The following MACROD2 variants were observed in gnomAD, a reference collection of about 807,000 sequenced individuals.
MACROD2 encodes the protein ADP-ribose glycohydrolase MACROD2.
Under a neutral mutation model 70.4 loss-of-function variants are expected in MACROD2, and 36 were observed. The observed-to-expected ratio is 0.51, with a 90% CI of 0.39 to 0.68. The LOEUF (loss-of-function observed/expected upper bound fraction) is 0.68, where lower values mean the gene tolerates loss of function less well. MACROD2 is among the 30% of genes least tolerant of loss of function. The pLI is 0.00. For missense variants in MACROD2, 496 were observed against 538.4 expected (o/e 0.92, Z 0.78); for synonymous variants, 172 against 178.8 (o/e 0.96, Z 0.30).
At position 15,267,175 on chromosome 20, in the gene MACROD2, C is replaced by T. The variant is rs983956756; in HGVS notation, c.540+37114C>T. The stretch of plus-strand genomic sequence containing the variant: ...AAAGCAGTCATTCCATCCCCCTCTC[C>T]TCTGCATCCCCACTCCAACTTGGCC... On this transcript the variant is annotated intron_variant, in intron 6 of 17. Coordinates refer to ENST00000684519, the MANE Select transcript of MACROD2 (RefSeq NM_001351661.2). Among the ~76,000 whole-genome samples, 6 of 152,158 alleles carry T rather than the reference C, an allele frequency of 3.9e-5. No homozygotes were observed. In the South Asian group the frequency reaches 6.2e-4, roughly 16 times the overall value.
At chr20:15,546,988 G>T (rs2048034147) in intron 8 of MACROD2, among the ~76,000 whole-genome samples, 2 of 152,146 alleles carry the variant, frequency 1.3e-5, no homozygotes, top group Admixed American at 1.3e-4. Flanking sequence ...TAATTAGCAA[G>T]CCAGAGAGCT....
intron 3 of MACROD2, among the ~76,000 whole-genome samples, chr20:14,301,419 T>A (rs537021545): frequency 1.3e-5 from 2 of 152,336 alleles, no homozygotes; most frequent in East Asian, 3.9e-4. Context: ...ACATTTATAG[T>A]TTGGTCGCCT....
rs74989611 is a variant in MACROD2 at position 14,294,721 on chromosome 20, A to G, written c.272-198758A>G. Reference sequence around the variant, plus strand: ...TCTTTTGATAGAATCCTTTTTTAAGAAGTATTTTCAGAGCTCATAAATTAT... The same window carrying G: ...TCTTTTGATAGAATCCTTTTTTAAGGAGTATTTTCAGAGCTCATAAATTAT... On this transcript the variant is annotated intron_variant, in intron 3 of 17. Transcript: ENST00000684519. 5.0e-3 allele frequency among the ~76,000 whole-genome samples: 754 copies of G among 151,884 alleles called. 5 individuals carry two copies. Among genetic ancestry groups the G allele is most frequent in the East Asian group, 9.5e-3 (49 of 5,178 alleles).
chr20:15,192,831 G>A (rs2076580864), intron 5 of MACROD2, among the ~76,000 whole-genome samples: 1 of 152,108 alleles, frequency 6.6e-6, no homozygotes, highest in African/African-American at 2.4e-5. Flanking sequence ...TGGCCATCTG[G>A]GAGAAAACCA....
chr20:15,085,597 G>A (rs2075741050), intron 5 of MACROD2, among the ~76,000 whole-genome samples: 1 of 152,006 alleles, frequency 6.6e-6, no homozygotes. Context: ...ATGGTAGGAT[G>A]TAAGTATATA....
chr20:15,797,198 C>T (rs1255530680), intron 8 of MACROD2, among the ~76,000 whole-genome samples: 1 of 152,122 alleles, frequency 6.6e-6, no homozygotes, highest in Non-Finnish European at 1.5e-5. Context: ...ACTGCAAGCT[C>T]CGCCTCCCAG....
chr20:14,945,082 A>C (rs2074419891), intron 5 of MACROD2, among the ~76,000 whole-genome samples: 1 of 151,870 alleles, frequency 6.6e-6, no homozygotes, highest in South Asian at 2.1e-4. Context: ...TTCTCTTTGA[A>C]GTCCTAATGG....
chr20:14,244,454 G>C (rs895713236), intron 3 of MACROD2, among the ~76,000 whole-genome samples: 2 of 152,174 alleles, frequency 1.3e-5, no homozygotes, highest in Non-Finnish European at 2.9e-5. Flanking sequence ...TTAGTGGTCA[G>C]TATGTAGATG....
chr20:14,548,956 G>C (rs1269284187), intron 4 of MACROD2, among the ~76,000 whole-genome samples: 1 of 152,162 alleles, frequency 6.6e-6, no homozygotes, highest in Non-Finnish European at 1.5e-5. Flanking sequence ...TGAAGGGTGA[G>C]AGCACTGGAG....
intron 12 of MACROD2, among the ~76,000 whole-genome samples, chr20:15,938,427 A>G (rs2065699690): frequency 1.3e-5 from 2 of 152,204 alleles, no homozygotes; most frequent in African/African-American, 4.8e-5. Context: ...CAATATTTCA[A>G]ACCTTTTTAC....
intron 2 of MACROD2, among the ~76,000 whole-genome samples, chr20:14,074,027 C>T (rs543494380): frequency 1.9e-4 from 29 of 152,182 alleles, no homozygotes; most frequent in South Asian, 4.1e-4. Context: ...TCTAACATTT[C>T]GGTATCTGAT....
At chr20:15,791,513 A>C (rs542450302) in intron 8 of MACROD2, among the ~76,000 whole-genome samples, 1 of 152,100 alleles carries the variant, frequency 6.6e-6, no homozygotes, top group Admixed American at 6.5e-5. Context: ...AGTAGCTAAC[A>C]TTCATTTAGA....
At chr20:15,825,201 C>T (rs567533748) in intron 8 of MACROD2, among the ~76,000 whole-genome samples, 26 of 152,320 alleles carry the variant, frequency 1.7e-4, no homozygotes, top group Admixed American at 9.8e-4. Context: ...TTCCTTTTCT[C>T]TTAAATCTGG....
intron 3 of MACROD2, among the ~76,000 whole-genome samples, chr20:14,273,137 A>G (rs2082212926): frequency 6.6e-6 from 1 of 152,208 alleles, no homozygotes; most frequent in African/African-American, 2.4e-5. Context: ...CTCTGCACCA[A>G]GCGGATCTAA....
intron 5 of MACROD2, among the ~76,000 whole-genome samples, chr20:15,068,655 T>C (rs990713595): frequency 2.0e-5 from 3 of 152,170 alleles, no homozygotes; most frequent in African/African-American, 7.2e-5. Context: ...CCTTCCACTA[T>C]GGTTGTAAGC....
intron 8 of MACROD2, among the ~76,000 whole-genome samples, chr20:15,851,818 C>G (rs1234646594): frequency 6.6e-6 from 1 of 152,164 alleles, no homozygotes; most frequent in Admixed American, 6.5e-5. Context: ...TTCAGCAGAA[C>G]ACAGTCCTCT....
chr20:15,496,802 C>G (rs917062625), intron 7 of MACROD2, among the ~76,000 whole-genome samples: 3 of 152,140 alleles, frequency 2.0e-5, no homozygotes. Context: ...GGAGAGTCAA[C>G]AAAGGCTGCC....
At chr20:15,539,167 G>A (rs147079429) in intron 8 of MACROD2, among the ~76,000 whole-genome samples, 15 of 152,230 alleles carry the variant, frequency 9.9e-5, no homozygotes, top group African/African-American at 3.6e-4. Flanking sequence ...AATGATAAAT[G>A]TCTTTTGCAG....
In MACROD2 at chr20:15,099,684, T is replaced by C. The variant is rs2075857967; in HGVS notation, c.419-130256T>C. Among the ~76,000 whole-genome samples the C allele has an allele frequency of 3.3e-5, 5 of 152,126 alleles. No homozygotes were observed. The South Asian group carries it at 1.0e-3, about 32-fold the overall frequency. On this transcript the variant is annotated intron_variant, in intron 5 of 17. Coordinates refer to ENST00000684519, the MANE Select transcript of MACROD2 (RefSeq NM_001351661.2). The stretch of plus-strand genomic sequence containing the variant: ...ATGGAAGTGACTTTGGAAGGGGTGA[T>C]GGACACAGGCGGGAAAAGTTTTGAG...
Sources: allele counts gnomAD v4.1 joint callset (sites outside exome capture counted in the v4.1 genomes callset), GRCh38; gene constraint gnomAD v4.1.1; transcripts MANE v1.5; gene names NCBI Gene and HGNC (gene_info 2026-07-23, HGNC 2026-07-21).